RPL38: variants seen among roughly 807,000 people sequenced by gnomAD.
RPL38 encodes ribosomal protein L38, also known as large ribosomal subunit protein eL38.
A neutral mutation model predicts 12.8 loss-of-function variants in RPL38; 2 were observed. The ratio of observed to expected loss-of-function variants is 0.16; its 90% CI spans 0.06 to 0.49. The LOEUF (loss-of-function observed/expected upper bound fraction) is 0.49. Ranked by LOEUF, RPL38 falls within the 20% of genes least tolerant of loss-of-function variation. RPL38 has a pLI of 0.96. For synonymous variants in RPL38, 42 were observed against 30.1 expected (o/e 1.39, Z -1.29); for missense variants, 52 against 79.8 (o/e 0.65, Z 1.33).
chr17:74,207,860 T>A (rs1241491440), intron 3 of RPL38, among the ~76,000 whole-genome samples: 1 of 152,170 alleles, frequency 6.6e-6, no homozygotes, highest in Non-Finnish European at 1.5e-5. Context: ...TCAGCTTAGT[T>A]CAGCTGCTAG....
At chr17:74,204,472 A>G in intron 3 of RPL38, 1 of 449,392 alleles carries the variant, frequency 2.2e-6, no homozygotes, top group Non-Finnish European at 4.0e-6. Context: ...TCGGAACGGA[A>G]TCTCCACTCC....
At chr17:74,206,455 A>G (rs1459743385) in intron 3 of RPL38, among the ~76,000 whole-genome samples, 1 of 152,190 alleles carries the variant, frequency 6.6e-6, no homozygotes, top group Non-Finnish European at 1.5e-5. Context: ...CAGTAAATAC[A>G]CATTGTTGAG....
At chr17:74,208,305 A>G (rs1357594783) in intron 3 of RPL38, among the ~76,000 whole-genome samples, 1 of 152,242 alleles carries the variant, frequency 6.6e-6, no homozygotes, top group Non-Finnish European at 1.5e-5. Flanking sequence ...ATGGCCATGC[A>G]TTGATACTGC....
chr17:74,204,033 C>G, intron 2 of RPL38, 75 bp downstream of exon 2: 1 of 1,609,616 alleles, frequency 6.2e-7, no homozygotes, highest in Non-Finnish European at 8.5e-7. Flanking sequence ...GAGAGCCTCC[C>G]AAGGATCTCC....
intron 3 of RPL38, 54 bp downstream of exon 3, chr17:74,204,244 C>A: frequency 6.6e-7 from 1 of 1,522,110 alleles, no homozygotes; most frequent in South Asian, 1.1e-5. Context: ...TGGCACCGCT[C>A]CGGGAGCGTC....
rs1400689265 is a variant in RPL38, at chr17:74,210,091, G to A, written c.*262G>A. The A allele has an allele frequency of 2.8e-5, 11 of 390,546 alleles. No individual in the cohort carries two copies. Among genetic ancestry groups the A allele is most frequent in the African/African-American group, 4.3e-5 (2 of 46,922 alleles). The allele number at this position is 390,546 out of a possible 1,614,324, so 24.2% of individuals were successfully genotyped here. A position where few individuals can be genotyped will look rare whatever the true frequency, so the allele number is the denominator to read the frequency against. ...CCACCTCCGCCTCCTGGGTTCAAGC[G>A]ACTGTCCTGCCTCAGCCTCCCGAGT... On this transcript the variant is annotated 3_prime_UTR_variant, in exon 5 of 5. Transcript: ENST00000311111.
At position 74,204,494 on chromosome 17, in the gene RPL38, A is replaced by G. The variant is rs1488247898; in HGVS notation, c.64+304A>G. On this transcript the variant is annotated intron_variant, in intron 3 of 4. Transcript: ENST00000311111. ...GGAATCTCCACTCCGCGAAAGCCTC[A>G]AAACACACGTCCCATAAACACTGTT... 28 of 421,250 alleles carry G rather than the reference A, an allele frequency of 6.6e-5. No individual in the cohort carries two copies. The South Asian group carries it at 6.8e-4, about 10-fold the overall frequency. 26.1% of individuals were successfully genotyped at this position (421,250 alleles called of 1,614,324 possible). A position where few individuals can be genotyped will look rare whatever the true frequency, so the allele number is the denominator to read the frequency against.
In RPL38 at chr17:74,209,964, C is replaced by G. The variant is rs144150357; in HGVS notation, c.*135C>G. 1.6e-3 allele frequency: 872 copies of G among 548,752 alleles called. 12 individuals are homozygous for G. The East Asian group carries it at 0.029, about 18-fold the overall frequency. 34.0% of individuals were successfully genotyped at this position (548,752 alleles called of 1,614,324 possible). On this transcript the variant is annotated 3_prime_UTR_variant, in exon 5 of 5. Transcript: ENST00000311111. ...TGGGAACAGGACGCGGGTTCTGTTGCTGCCTTCCTGTGTCTTTTTTTTTTT... is the reference window on the plus strand; with the variant it reads ...TGGGAACAGGACGCGGGTTCTGTTGGTGCCTTCCTGTGTCTTTTTTTTTTT...
chr17:74,209,884 T>A lies in RPL38; in HGVS notation c.*55T>A. The A allele has an allele frequency of 1.3e-6, 2 of 1,484,092 alleles. No homozygotes were observed. Among genetic ancestry groups the A allele is most frequent in the Non-Finnish European group, 1.9e-6 (2 of 1,062,700 alleles). The allele number at this position is 1,484,092 out of a possible 1,614,324, so 91.9% of individuals were successfully genotyped here. ...ATTAAAATACTAAAAATCCTAAGTG[T>A]CTTTCGTCTTTGCGGATGGGAAAGG... On this transcript the variant is annotated 3_prime_UTR_variant, in exon 5 of 5. Transcript: ENST00000311111.
At position 74,203,923 on chromosome 17, in the gene RPL38, G is replaced by C; in HGVS notation, c.-33G>C. 5 of 1,598,922 alleles carry C rather than the reference G, an allele frequency of 3.1e-6. No homozygotes were observed. Among genetic ancestry groups the C allele is most frequent in the Non-Finnish European group, 4.3e-6 (5 of 1,170,184 alleles). On this transcript the variant is annotated 5_prime_UTR_variant, in exon 2 of 5. Coordinates refer to ENST00000311111, the MANE Select transcript of RPL38 (RefSeq NM_000999.4). ...CCGAGGACTGTTTCCCGCAGGTCCT[G>C]GTCCGCGCCAGAGCCCAGCGCGCCT...
chr17:74,203,692 T>G lies in RPL38; in HGVS notation c.-92T>G. The G allele has an allele frequency of 2.0e-6, 1 of 507,528 alleles. No homozygotes were observed. Among genetic ancestry groups the G allele is most frequent in the Non-Finnish European group, 3.5e-6 (1 of 287,270 alleles). The allele number at this position is 507,528 out of a possible 1,614,324, so 31.4% of individuals were successfully genotyped here. Reference sequence around the variant, plus strand: ...GAAGTCTCGTTCTTTTTCGTCCTTTTCCCCGGTTGCTGCTTGCTGTGAGTG... The same window carrying G: ...GAAGTCTCGTTCTTTTTCGTCCTTTGCCCCGGTTGCTGCTTGCTGTGAGTG... On this transcript the variant is annotated 5_prime_UTR_variant, in exon 1 of 5. Transcript: ENST00000311111.
intron 3 of RPL38, among the ~76,000 whole-genome samples, chr17:74,208,599 G>C (rs1359149143): frequency 6.6e-6 from 1 of 152,154 alleles, no homozygotes; most frequent in Non-Finnish European, 1.5e-5. Context: ...AGTCCCAGCA[G>C]ACAGCCCGTC....
intron 2 of RPL38, 77 bp downstream of exon 2, chr17:74,204,035 A>C (rs2143684122): frequency 6.2e-7 from 1 of 1,612,422 alleles, no homozygotes; most frequent in Middle Eastern, 1.7e-4. Context: ...GAGCCTCCCA[A>C]GGATCTCCTG....
At chr17:74,207,780 AC>A (rs1283237128) in intron 3 of RPL38, among the ~76,000 whole-genome samples, 1 of 152,146 alleles carries the variant, frequency 6.6e-6, no homozygotes, top group Admixed American at 6.5e-5. Flanking sequence ...TGCTGGGATT[AC>A]AGGCGTGAAC....
intron 4 of RPL38, chr17:74,209,533 A>G: frequency 1.5e-6 from 1 of 651,006 alleles, no homozygotes; most frequent in Non-Finnish European, 2.6e-6. Context: ...AGCTCATTTA[A>G]TCCTGTTCAC....
chr17:74,205,797 G>C (rs1255019688), intron 3 of RPL38: 1 of 152,172 alleles, frequency 6.6e-6, no homozygotes, highest in African/African-American at 2.4e-5. Flanking sequence ...AAAGCGGACA[G>C]ATCGCTTGAA....
In RPL38 at chr17:74,209,978, C is replaced by CTTTTTT. The variant is rs58720199; in HGVS notation, c.*163_*168dup. On this transcript the variant is annotated 3_prime_UTR_variant, in exon 5 of 5. Transcript: ENST00000311111. Reference sequence around the variant, plus strand: ...GGGTTCTGTTGCTGCCTTCCTGTGTCTTTTTTTTTTTTTTTTTTTCTTTCT... The same window carrying CTTTTTT: ...GGGTTCTGTTGCTGCCTTCCTGTGTCTTTTTTTTTTTTTTTTTTTTTTTTTCTTTCT... The CTTTTTT allele has an allele frequency of 9.3e-4, 333 of 357,174 alleles. 4 individuals are homozygous for CTTTTTT. Among genetic ancestry groups the CTTTTTT allele is most frequent in the African/African-American group, 3.6e-3 (137 of 38,508 alleles). 22.1% of individuals were successfully genotyped at this position (357,174 alleles called of 1,614,324 possible). A position where few individuals can be genotyped will look rare whatever the true frequency, so the allele number is the denominator to read the frequency against.
rs1399242429 is a variant in RPL38, at chr17:74,209,237, A to G, written c.115A>G (p.Ser39Gly). ...KDNVKFKVRC[S>G]RYLYTLVITD... ...CAACGTGAAGTTTAAAGTTCGATGC[A>G]GCAGATACCTTTACACCCTGGTCAT... Residue 39 changes from serine to glycine, a missense_variant, in exon 4 of 5, where the codon AGC becomes GGC. Ser to Gly is a moderately conservative substitution (Grantham distance 56). Transcript: ENST00000311111. 6.2e-7 allele frequency: 1 copy of G among 1,614,032 alleles called. No individual in the cohort carries two copies. Among genetic ancestry groups the G allele is most frequent in the Non-Finnish European group, 8.5e-7 (1 of 1,179,998 alleles).
chr17:74,205,304 C>G (rs1013584648), intron 3 of RPL38: 4 of 152,138 alleles, frequency 2.6e-5, no homozygotes, highest in Admixed American at 6.5e-5. Context: ...ACCCAGTCAT[C>G]TTTTTTCAGC....
Sources: allele counts gnomAD v4.1 joint callset (sites outside exome capture counted in the v4.1 genomes callset), GRCh38; gene constraint gnomAD v4.1.1; transcripts MANE v1.5; gene names NCBI Gene and HGNC (gene_info 2026-07-23, HGNC 2026-07-21).